The following TMEM117 variants were observed in gnomAD, a reference collection of about 807,000 sequenced individuals.
TMEM117 encodes transmembrane protein 117.
In TMEM117, 27 loss-of-function variants were observed where a neutral mutation model predicts 52.4. The observed-to-expected ratio is 0.51, with a 90% CI of 0.38 to 0.71. The LOEUF is 0.71. Ranked by LOEUF, TMEM117 falls within the 30% of genes least tolerant of loss-of-function variation. The probability of loss-of-function intolerance (pLI) is 0.00; values close to 1 mark genes in which losing one functional copy is unlikely to be tolerated. For synonymous variants in TMEM117, 215 were observed against 206.3 expected (o/e 1.04, Z -0.36); for missense variants, 556 against 630.5 (o/e 0.88, Z 1.26).
intron 5 of TMEM117, among the ~76,000 whole-genome samples, chr12:44,282,561 T>C (rs1950591301): frequency 6.6e-6 from 1 of 152,194 alleles, no homozygotes; most frequent in African/African-American, 2.4e-5. Context: ...TCTGTGGAAC[T>C]TTAAACTTGA....
chr12:43,886,810 G>T (rs1944002701), intron 2 of TMEM117, among the ~76,000 whole-genome samples: 1 of 152,074 alleles, frequency 6.6e-6, no homozygotes, highest in South Asian at 2.1e-4. Flanking sequence ...AAAGGCCCCA[G>T]TGTGAATTGT....
chr12:44,220,181 C>A (rs1324908745), intron 5 of TMEM117, among the ~76,000 whole-genome samples: 1 of 152,156 alleles, frequency 6.6e-6, no homozygotes, highest in African/African-American at 2.4e-5. Flanking sequence ...ACATGCACAA[C>A]TGTATTCTAG....
intron 3 of TMEM117, among the ~76,000 whole-genome samples, chr12:44,047,163 C>T (rs1469358066): frequency 1.3e-5 from 2 of 151,868 alleles, no homozygotes; most frequent in Non-Finnish European, 2.9e-5. Flanking sequence ...TAGTTCTGTC[C>T]TTCTAGATTG....
intron 3 of TMEM117, among the ~76,000 whole-genome samples, chr12:44,092,501 GTAGAAGACAT>G (rs570129044): frequency 1.7e-3 from 266 of 152,258 alleles, no homozygotes; most frequent in Middle Eastern, 3.4e-3. Context: ...GCTAGCTTGT[GTAGAAGACAT>G]TACTTTTATT....
intron 2 of TMEM117, among the ~76,000 whole-genome samples, chr12:43,870,539 G>A (rs777630214): frequency 4.0e-5 from 6 of 151,622 alleles, no homozygotes; most frequent in South Asian, 4.2e-4. Context: ...GTTTACAGGC[G>A]TGAGCCACTG....
chr12:44,385,974 C>T (rs1012256736), intron 7 of TMEM117, among the ~76,000 whole-genome samples: 5 of 152,042 alleles, frequency 3.3e-5, no homozygotes, highest in African/African-American at 4.8e-5. Flanking sequence ...AAAGCATAAA[C>T]GAAAATAAAC....
intron 3 of TMEM117, among the ~76,000 whole-genome samples, chr12:44,005,216 G>T (rs2699990): frequency 0.97 from 148,193 of 152,310 alleles, 72,221 homozygotes; most frequent in East Asian, 1. Context: ...GACCTCTGTT[G>T]CAAATAAGTG....
At chr12:44,068,552 A>G (rs991202416) in intron 3 of TMEM117, among the ~76,000 whole-genome samples, 2 of 152,146 alleles carry the variant, frequency 1.3e-5, no homozygotes, top group African/African-American at 2.4e-5. Flanking sequence ...GAGGAGAGAG[A>G]GAAAAGGGGA....
At chr12:44,241,049 C>G (rs1229722466) in intron 5 of TMEM117, among the ~76,000 whole-genome samples, 1 of 151,980 alleles carries the variant, frequency 6.6e-6, no homozygotes, top group Non-Finnish European at 1.5e-5. Flanking sequence ...CATGAATGAT[C>G]AAGTCCCTTG....
intron 3 of TMEM117, among the ~76,000 whole-genome samples, chr12:44,141,883 T>C (rs1277593078): frequency 6.6e-6 from 1 of 152,188 alleles, no homozygotes; most frequent in Non-Finnish European, 1.5e-5. Flanking sequence ...CTGCATACTA[T>C]TCTTGACTTC....
At chr12:44,070,521 A>G (rs1947285785) in intron 3 of TMEM117, among the ~76,000 whole-genome samples, 1 of 152,156 alleles carries the variant, frequency 6.6e-6, no homozygotes, top group Admixed American at 6.5e-5. Flanking sequence ...GATTCATGAT[A>G]CCTGTTGTGG....
intron 2 of TMEM117, among the ~76,000 whole-genome samples, chr12:43,865,239 A>G (rs1208335966): frequency 6.6e-6 from 1 of 152,170 alleles, no homozygotes; most frequent in Non-Finnish European, 1.5e-5. Context: ...CTACTGCAGT[A>G]AAGACAGAGT....
intron 4 of TMEM117, among the ~76,000 whole-genome samples, chr12:44,167,418 C>G (rs568165500): frequency 6.6e-6 from 1 of 152,096 alleles, no homozygotes; most frequent in East Asian, 1.9e-4. Flanking sequence ...CCTGTAATCC[C>G]AGCACTTTGG....
intron 2 of TMEM117, among the ~76,000 whole-genome samples, chr12:43,900,369 G>T (rs1416986148): frequency 1.3e-5 from 2 of 152,058 alleles, no homozygotes; most frequent in African/African-American, 4.8e-5. Flanking sequence ...GAATTAAAAA[G>T]AAATCAATTA....
At chr12:44,340,362 A>G (rs1951400384) in intron 6 of TMEM117, among the ~76,000 whole-genome samples, 1 of 152,108 alleles carries the variant, frequency 6.6e-6, no homozygotes. Flanking sequence ...AAACCAATCA[A>G]AACAGGGAAG....
At chr12:44,153,501 A>G (rs1363191462) in intron 4 of TMEM117, among the ~76,000 whole-genome samples, 1 of 152,042 alleles carries the variant, frequency 6.6e-6, no homozygotes, top group African/African-American at 2.4e-5. Flanking sequence ...TGATATAACC[A>G]TCACGTCTCA....
At chr12:44,187,191 GC>G (rs1355525420) in intron 4 of TMEM117, among the ~76,000 whole-genome samples, 1 of 151,808 alleles carries the variant, frequency 6.6e-6, no homozygotes, top group African/African-American at 2.4e-5. Context: ...ACTTATATTT[GC>G]TTATTTATTT....
intron 2 of TMEM117, among the ~76,000 whole-genome samples, chr12:43,943,856 GT>G (rs2137614478): frequency 6.6e-6 from 1 of 152,276 alleles, no homozygotes; most frequent in East Asian, 1.9e-4. Flanking sequence ...CTTCTTTACT[GT>G]TCGCTATGAA....
the TMEM117 span, chr12:43,804,637 T>C: frequency 8.8e-7 from 1 of 1,135,392 alleles, no homozygotes; most frequent in Non-Finnish European, 1.3e-6. Flanking sequence ...CTATCTATAT[T>C]GGAAAAGTTA....
Sources: gnomAD v4.1 joint callset for allele counts (sites outside exome capture counted in the v4.1 genomes callset) on GRCh38, gnomAD v4.1.1 for gene constraint, MANE v1.5 for transcripts, NCBI Gene and HGNC (gene_info 2026-07-23, HGNC 2026-07-21) for gene names.